Variants in TPP2 observed in about 807,000 individuals in gnomAD.
TPP2 encodes the protein tripeptidyl-peptidase 2.
Under a neutral mutation model 155.9 loss-of-function variants are expected in TPP2, and 34 were observed. The ratio of observed to expected loss-of-function variants is 0.22; its 90% CI spans 0.17 to 0.29. The LOEUF (loss-of-function observed/expected upper bound fraction) is 0.29, where lower values mean the gene tolerates loss of function less well. Among genes scored for constraint, TPP2 ranks in the 10% least tolerant of loss-of-function variants. TPP2 has a pLI of 1.00. For synonymous variants in TPP2, 510 were observed against 529.4 expected (o/e 0.96, Z 0.50); for missense variants, 1,028 against 1,522.3 (o/e 0.68, Z 5.40).
intron 13 of TPP2, among the ~76,000 whole-genome samples, chr13:102,636,811 G>A (rs1277512540): frequency 2.6e-5 from 4 of 152,188 alleles, no homozygotes. Flanking sequence ...CTTCATTTCA[G>A]TTGAATACTA....
chr13:102,662,227 A>G (rs1481859139), intron 25 of TPP2, among the ~76,000 whole-genome samples: 1 of 152,186 alleles, frequency 6.6e-6, no homozygotes, highest in Non-Finnish European at 1.5e-5. Context: ...AGAGATAGAA[A>G]GTAGATTAGT....
chr13:102,658,520 C>T (rs960168747), intron 25 of TPP2, among the ~76,000 whole-genome samples: 2 of 152,134 alleles, frequency 1.3e-5, no homozygotes, highest in African/African-American at 4.8e-5. Context: ...TGATGCTGGT[C>T]CCCAGTAAAA....
chr13:102,650,164 T>C (rs909646565), intron 23 of TPP2, among the ~76,000 whole-genome samples: 2 of 152,142 alleles, frequency 1.3e-5, no homozygotes, highest in Admixed American at 1.3e-4. Flanking sequence ...TACAAATTTA[T>C]TATGAGAATG....
chr13:102,620,740 C>T (rs891914025), intron 5 of TPP2, among the ~76,000 whole-genome samples: 2 of 152,154 alleles, frequency 1.3e-5, no homozygotes, highest in African/African-American at 2.4e-5. Context: ...TCTGTCAGGA[C>T]GCAGAGCCTC....
intron 27 of TPP2, among the ~76,000 whole-genome samples, chr13:102,668,425 G>A (rs528707274): frequency 5.5e-4 from 84 of 152,300 alleles, no homozygotes; most frequent in Non-Finnish European, 7.2e-4. Context: ...TTTGTCTGGC[G>A]TAGTGGTTAC....
intron 26 of TPP2, 104 bp from the exon 27 acceptor site, chr13:102,664,691 T>C (rs1884473845): frequency 1.7e-6 from 2 of 1,167,322 alleles, no homozygotes; most frequent in Admixed American, 2.7e-5. Flanking sequence ...CATAGTTTAC[T>C]CACACTGCAG....
Position 102,622,862 on chromosome 13 carries a change from C to A in TPP2, c.621-15C>A. On this transcript the variant is annotated splice_polypyrimidine_tract_variant and intron_variant, in intron 5 of 29. Coordinates refer to ENST00000376052, the MANE Select transcript of TPP2 (RefSeq NM_001330588.2). The stretch of plus-strand genomic sequence containing the variant: ...AAAATAAATTTTACTGTCTCCATTT[C>A]TTTTTAATTAATAGAGCCTGCATTG... 3 of 1,588,466 alleles carry A rather than the reference C, an allele frequency of 1.9e-6. No individual in the cohort carries two copies. The highest frequency in any genetic ancestry group is 2.6e-6 in the Non-Finnish European group (3 of 1,172,692).
chr13:102,674,404 A>G lies in TPP2; in HGVS notation c.3493A>G (p.Lys1165Glu). The G allele has an allele frequency of 6.2e-7, 1 of 1,613,962 alleles. No individual in the cohort carries two copies. Among genetic ancestry groups the G allele is most frequent in the Non-Finnish European group, 8.5e-7 (1 of 1,179,872 alleles). Residue 1165 changes from lysine (K) to glutamate (E), a missense_variant, in exon 28 of 30, where the codon AAG becomes GAG. This residue lies in a region of TPP2 where 116 missense variants were observed against 117.3 expected (regional missense o/e 0.99). Coordinates refer to ENST00000376052, the MANE Select transcript of TPP2 (RefSeq NM_001330588.2). ...DGAISTDAEGKEEEGESPLDS... is the reference protein window; with the variant it reads ...DGAISTDAEGEEEEGESPLDS... ...AGCCATTTCCACTGATGCAGAAGGA[A>G]AGGAGGAGGAAGGAGAAAGTCCTTT...
chr13:102,642,973 A>T (rs1266691760), intron 16 of TPP2, among the ~76,000 whole-genome samples: 2 of 152,174 alleles, frequency 1.3e-5, no homozygotes, highest in African/African-American at 2.4e-5. Context: ...TTGCAGCCTC[A>T]TGGTGGTGGT....
Position 102,674,334 on chromosome 13 carries a change from T to C in TPP2, c.3423T>C (p.Gly1141=). 1 of 1,613,848 alleles carries C rather than the reference T, an allele frequency of 6.2e-7. No individual in the cohort carries two copies. Among genetic ancestry groups the C allele is most frequent in the Non-Finnish European group, 8.5e-7 (1 of 1,179,804 alleles). The part of the protein sequence containing the change: ...STLVDALCRK[G]CALADHLLHT... ...TCGTAGATGCCCTTTGTAGGAAAGG[T>C]TGTGCCCTGGCAGACCATCTTCTTC... Residue 1141 remains glycine (G), a synonymous_variant, in exon 28 of 30, where the codon GGT becomes GGC. Transcript: ENST00000376052.
chr13:102,640,122 C>A (rs1238371094), intron 15 of TPP2, 148 bp from the exon 16 acceptor site: 1 of 570,426 alleles, frequency 1.8e-6, no homozygotes, highest in Non-Finnish European at 2.9e-6. Context: ...AAAAATTGAA[C>A]AATATCGTAC....
At chr13:102,634,347 A>G (rs1882229558) in intron 11 of TPP2, among the ~76,000 whole-genome samples, 1 of 152,230 alleles carries the variant, frequency 6.6e-6, no homozygotes, top group African/African-American at 2.4e-5. Flanking sequence ...TGAACAAAGC[A>G]TCAAAAATAG....
chr13:102,673,434 G>A (rs999090595), intron 27 of TPP2, among the ~76,000 whole-genome samples: 22 of 152,144 alleles, frequency 1.4e-4, no homozygotes, highest in African/African-American at 5.3e-4. Flanking sequence ...GACATAAGTT[G>A]GACAGAATGC....
At chr13:102,636,964 G>T (rs1326418765) in intron 13 of TPP2, 118 bp from the exon 14 acceptor site, 4 of 924,686 alleles carry the variant, frequency 4.3e-6, no homozygotes, top group African/African-American at 1.7e-5. Flanking sequence ...CTGTGTTTTG[G>T]ATGCATTTTA....
chr13:102,661,175 A>G lies in TPP2; in HGVS notation c.3144-2473A>G, dbSNP rs573488259. On this transcript the variant is annotated intron_variant, in intron 25 of 29. Coordinates refer to ENST00000376052, the MANE Select transcript of TPP2 (RefSeq NM_001330588.2). ...TGTGCTTTTAGCATAGCATCAAGAA[A>G]GTGAAAAGAACGGCCTATTTGCAAG... 2.0e-5 allele frequency among the ~76,000 whole-genome samples: 3 copies of G among 152,224 alleles called. No homozygotes were observed. In the South Asian group the frequency reaches 6.2e-4, roughly 32 times the overall value.
chr13:102,648,076 T>C (rs1883244936), intron 21 of TPP2, among the ~76,000 whole-genome samples: 1 of 152,242 alleles, frequency 6.6e-6, no homozygotes, highest in Non-Finnish European at 1.5e-5. Context: ...TGGTTACTTT[T>C]TAAATCTCAG....
intron 24 of TPP2, among the ~76,000 whole-genome samples, chr13:102,655,748 C>T (rs1305044848): frequency 1.3e-5 from 2 of 152,030 alleles, no homozygotes; most frequent in African/African-American, 4.8e-5. Context: ...TGTTCTTGTC[C>T]GGGGGGGTCA....
intron 1 of TPP2, among the ~76,000 whole-genome samples, chr13:102,597,867 A>G (rs2139393312): frequency 6.6e-6 from 1 of 152,288 alleles, no homozygotes; most frequent in South Asian, 2.1e-4. Context: ...GGTCTTCTGC[A>G]GCGTGTTTGC....
intron 6 of TPP2, among the ~76,000 whole-genome samples, chr13:102,625,820 A>G (rs1881581351): frequency 6.6e-6 from 1 of 152,208 alleles, no homozygotes; most frequent in Admixed American, 6.5e-5. Flanking sequence ...AACACACTAT[A>G]GTCCCCAAAC....
Sources: allele counts gnomAD v4.1 joint callset (sites outside exome capture counted in the v4.1 genomes callset), GRCh38; gene constraint gnomAD v4.1.1; regional missense constraint gnomAD v4.1.1; transcripts MANE v1.5; gene names NCBI Gene and HGNC (gene_info 2026-07-23, HGNC 2026-07-21).